The following SRRM3 variants were observed in gnomAD, a reference collection of about 807,000 sequenced individuals.
SRRM3 encodes serine/arginine repetitive matrix 3.
SRRM3 carries 27 observed loss-of-function variants against 66.2 expected under a neutral mutation model. The ratio of observed to expected loss-of-function variants is 0.41; its 90% CI spans 0.30 to 0.56. The LOEUF (loss-of-function observed/expected upper bound fraction) is 0.56. Ranked by LOEUF, SRRM3 falls within the 20% of genes least tolerant of loss-of-function variation. SRRM3 has a pLI of 0.32. For missense variants in SRRM3, 918 were observed against 991.9 expected (o/e 0.93, Z 1.00); for synonymous variants, 391 against 414.9 (o/e 0.94, Z 0.70).
intron 6 of SRRM3, 21 bp from the exon 7 acceptor site, chr7:76,261,331 C>A: frequency 2.4e-6 from 2 of 844,546 alleles, no homozygotes; most frequent in Non-Finnish European, 3.4e-6. Flanking sequence ...CTCACTAGAG[C>A]CCACCTCCCT....
Position 76,267,409 on chromosome 7 carries a change from C to T in SRRM3, c.982C>T (p.Pro328Ser), listed in dbSNP as rs963545993. ...GQRSGAHGGR[P>S]GSAHSPPDKP... ...GCGGAGCGGAGCGCACGGGGGCCGC[C>T]CCGGCTCGGCGCACAGCCCGCCCGA... Residue 328 changes from proline (P) to serine (S), a missense_variant, in exon 11 of 15, where the codon CCC (proline) becomes TCC (serine). Pro to Ser is a moderately conservative substitution (Grantham distance 74, BLOSUM62 -1). Coordinates refer to ENST00000611745, the MANE Select transcript of SRRM3 (RefSeq NM_001110199.3). 1 of 1,385,178 alleles carries T rather than the reference C, an allele frequency of 7.2e-7. No individual in the cohort carries two copies. The highest frequency in any genetic ancestry group is 9.3e-7 in the Non-Finnish European group (1 of 1,075,336). 85.8% of individuals were successfully genotyped at this position (1,385,178 alleles called of 1,614,324 possible).
At chr7:76,273,848 A>G (rs938819501) in intron 11 of SRRM3, among the ~76,000 whole-genome samples, 1 of 151,736 alleles carries the variant, frequency 6.6e-6, no homozygotes, top group Non-Finnish European at 1.5e-5. Context: ...TTTCTAGCCC[A>G]TCTCCCCTCC....
intron 3 of SRRM3, among the ~76,000 whole-genome samples, chr7:76,257,136 C>G (rs10274887): frequency 3.3e-5 from 5 of 152,184 alleles, no homozygotes; most frequent in African/African-American, 1.2e-4. Context: ...ACCAGTAGGT[C>G]TCAGCCTCAT....
chr7:76,264,666 A>T (rs1258557511), intron 8 of SRRM3, 99 bp from the exon 9 acceptor site: 3 of 1,305,124 alleles, frequency 2.3e-6, no homozygotes, highest in Non-Finnish European at 3.3e-6. Flanking sequence ...CTAGAGTGGA[A>T]CAAATCTCAG....
chr7:76,207,171 A>T (rs1800321411), intron 1 of SRRM3, among the ~76,000 whole-genome samples: 1 of 152,216 alleles, frequency 6.6e-6, no homozygotes, highest in South Asian at 2.1e-4. Context: ...GTGTGGTGGC[A>T]CGTGCCTGTA....
chr7:76,206,726 C>T (rs1363255592), intron 1 of SRRM3, among the ~76,000 whole-genome samples: 3 of 152,172 alleles, frequency 2.0e-5, no homozygotes, highest in East Asian at 1.9e-4. Flanking sequence ...GAGCAGTCCT[C>T]GCCCCCCAAG....
chr7:76,281,906 C>G (rs1257351195), intron 12 of SRRM3, 104 bp downstream of exon 12: 4 of 952,374 alleles, frequency 4.2e-6, no homozygotes, highest in African/African-American at 1.8e-5. Context: ...CGCTGAGCTA[C>G]CCTCCAGGGA....
chr7:76,207,831 C>T (rs1258705291), intron 1 of SRRM3, among the ~76,000 whole-genome samples: 3 of 151,600 alleles, frequency 2.0e-5, no homozygotes, highest in Non-Finnish European at 2.9e-5. Flanking sequence ...GAGCTGAGAT[C>T]GCACCACTGC....
At chr7:76,220,953 C>G (rs1800695882) in intron 1 of SRRM3, among the ~76,000 whole-genome samples, 1 of 152,192 alleles carries the variant, frequency 6.6e-6, no homozygotes, top group African/African-American at 2.4e-5. Flanking sequence ...ACCAGCGCCT[C>G]TCCAGAGAGA....
At chr7:76,237,490 G>A (rs562538466) in intron 2 of SRRM3, among the ~76,000 whole-genome samples, 1 of 152,154 alleles carries the variant, frequency 6.6e-6, no homozygotes, top group South Asian at 2.1e-4. Context: ...CAGGAGAATC[G>A]CTTGAACCCG....
intron 1 of SRRM3, among the ~76,000 whole-genome samples, chr7:76,210,074 C>T (rs1800392173): frequency 6.6e-6 from 1 of 152,258 alleles, no homozygotes; most frequent in East Asian, 1.9e-4. Context: ...TGTCTGTCTG[C>T]CTATTCATGT....
chr7:76,248,171 T>G lies in SRRM3; in HGVS notation c.234-17T>G, dbSNP rs1246259885. The stretch of plus-strand genomic sequence containing the variant: ...ATCTGGGAGACCAGCCCCTTCACCC[T>G]CTCTGTGCCCCTGCAGGTATTCGGA... On this transcript the variant is annotated splice_polypyrimidine_tract_variant and intron_variant, in intron 2 of 14. Transcript: ENST00000611745. 1.9e-6 allele frequency: 3 copies of G among 1,605,764 alleles called. No homozygotes were observed. The highest frequency in any genetic ancestry group is 2.6e-6 in the Non-Finnish European group (3 of 1,174,840).
intron 2 of SRRM3, among the ~76,000 whole-genome samples, chr7:76,236,444 G>T (rs115710990): frequency 0.065 from 9,749 of 150,778 alleles, 698 homozygotes; most frequent in African/African-American, 0.18. Flanking sequence ...TACACGGGGT[G>T]GGGGGGCGGG....
At chr7:76,276,456 G>T (rs1205095692) in intron 11 of SRRM3, among the ~76,000 whole-genome samples, 1 of 152,198 alleles carries the variant, frequency 6.6e-6, no homozygotes, top group Non-Finnish European at 1.5e-5. Flanking sequence ...TGGAAGGAAG[G>T]AACCAGGTTC....
rs2117131544 is a variant in SRRM3, at chr7:76,286,213, C to T, written c.*370C>T. On this transcript the variant is annotated 3_prime_UTR_variant, in exon 15 of 15. Coordinates refer to ENST00000611745, the MANE Select transcript of SRRM3 (RefSeq NM_001110199.3). Reference sequence around the variant, plus strand: ...GTCCATGATCTGCTCTGTCACTTCACCTTAGCTCAGTGCAGCCAGGGACAC... The same window carrying T: ...GTCCATGATCTGCTCTGTCACTTCATCTTAGCTCAGTGCAGCCAGGGACAC... 1 of 297,654 alleles carries T rather than the reference C, an allele frequency of 3.4e-6. No homozygotes were observed. Among genetic ancestry groups the T allele is most frequent in the South Asian group, 6.2e-5 (1 of 16,238 alleles). 18.4% of individuals were successfully genotyped at this position (297,654 alleles called of 1,614,324 possible).
intron 2 of SRRM3, among the ~76,000 whole-genome samples, chr7:76,241,954 C>A (rs147115066): frequency 6.6e-6 from 1 of 152,168 alleles, no homozygotes; most frequent in Non-Finnish European, 1.5e-5. Context: ...ACTTGGCTCA[C>A]GGTTCTAGAG....
chr7:76,277,249 C>T (rs1163979497), intron 11 of SRRM3, among the ~76,000 whole-genome samples: 1 of 152,158 alleles, frequency 6.6e-6, no homozygotes, highest in African/African-American at 2.4e-5. Context: ...AACAGCCATC[C>T]AACCTAGACC....
At chr7:76,225,593 A>G (rs532955120) in intron 1 of SRRM3, among the ~76,000 whole-genome samples, 22 of 152,056 alleles carry the variant, frequency 1.4e-4, no homozygotes, top group Middle Eastern at 3.4e-3. Context: ...TGCCAGAGAC[A>G]AGGGGAGCAG....
chr7:76,265,858 ATTTTTTTTT>A lies in SRRM3; in HGVS notation c.830+410_830+418del, dbSNP rs1156687535. Among the ~76,000 whole-genome samples, 66 of 8,338 alleles carry A rather than the reference ATTTTTTTTT, an allele frequency of 7.9e-3. 1 individual carries two copies. The highest frequency in any genetic ancestry group is 9.6e-3 in the Admixed American group (3 of 314). The allele number at this position is 8,338 out of a possible 152,430, so 5.5% of individuals were successfully genotyped here. The stretch of plus-strand genomic sequence containing the variant: ...TATATATATATATATATATATATAT[ATTTTTTTTT>A]TTTTTTTTTTTTTTTTTTTGAGACG... On this transcript the variant is annotated intron_variant, in intron 10 of 14. Transcript: ENST00000611745.
Sources: gnomAD v4.1 joint callset for allele counts (sites outside exome capture counted in the v4.1 genomes callset) on GRCh38, gnomAD v4.1.1 for gene constraint, MANE v1.5 for transcripts, NCBI Gene and HGNC (gene_info 2026-07-23, HGNC 2026-07-21) for gene names.